The following TMEM143 variants were observed in gnomAD, a reference collection of about 807,000 sequenced individuals.
TMEM143 encodes transmembrane protein 143.
In TMEM143, 45 loss-of-function variants were observed where a neutral mutation model predicts 40.3. The observed-to-expected ratio is 1.12, with a 90% CI of 0.88 to 1.43. TMEM143 has a LOEUF of 1.43. TMEM143 is among the 40% of genes most tolerant of loss of function. The pLI is 0.00. For synonymous variants in TMEM143, 299 were observed against 282.7 expected (o/e 1.06, Z -0.58); for missense variants, 620 against 613.4 (o/e 1.01, Z -0.11).
chr19:48,354,537 T>C (rs556964139), intron 3 of TMEM143, among the ~76,000 whole-genome samples: 1 of 152,268 alleles, frequency 6.6e-6, no homozygotes, highest in East Asian at 1.9e-4. Flanking sequence ...AGTGCTGGAA[T>C]AACAAGCGTG....
chr19:48,353,160 C>G (rs1031100398), intron 3 of TMEM143, among the ~76,000 whole-genome samples: 5 of 150,274 alleles, frequency 3.3e-5, no homozygotes, highest in African/African-American at 1.2e-4. Flanking sequence ...CCACTTACAT[C>G]TGAATTTCAG....
chr19:48,333,987 G>A lies in TMEM143; in HGVS notation c.1165+21C>T. ...GCGGGGGTGTGGCCCCTGGGGGCAG[G>A]GTCCCAGGGCCACGTCCTACCTTCG... On this transcript the variant is annotated intron_variant, in intron 7 of 7. Transcript: ENST00000293261. This position sits in a 1 kb window ranked among gnomAD's most constrained non-coding sequence, Gnocchi z 4.1. The A allele has an allele frequency of 1.3e-6, 2 of 1,513,614 alleles. No homozygotes were observed. The highest frequency in any genetic ancestry group is 1.2e-5 in the South Asian group (1 of 82,676). 93.8% of individuals were successfully genotyped at this position (1,513,614 alleles called of 1,614,324 possible).
chr19:48,354,508 G>A (rs1043736139), intron 3 of TMEM143, among the ~76,000 whole-genome samples: 10 of 151,860 alleles, frequency 6.6e-5, no homozygotes, highest in African/African-American at 2.2e-4. Context: ...TAAGTGATCC[G>A]CCCACCTCGG....
intron 3 of TMEM143, among the ~76,000 whole-genome samples, chr19:48,353,696 G>A (rs1969823187): frequency 6.6e-6 from 1 of 151,770 alleles, no homozygotes; most frequent in Non-Finnish European, 1.5e-5. Context: ...GGTCTTTGCA[G>A]GTAGAATTAA....
chr19:48,343,506 G>A, intron 4 of TMEM143, 55 bp from the exon 5 acceptor site: 1 of 1,521,476 alleles, frequency 6.6e-7, no homozygotes, highest in Non-Finnish European at 8.9e-7. Flanking sequence ...GAGTGTTGAG[G>A]GCAGGATACC....
intron 2 of TMEM143, among the ~76,000 whole-genome samples, chr19:48,361,918 T>C (rs1479603588): frequency 2.0e-5 from 3 of 152,230 alleles, no homozygotes; most frequent in Non-Finnish European, 4.4e-5. Flanking sequence ...AACAGAGGAT[T>C]ACACGCTCTT....
Position 48,333,928 on chromosome 19 carries a change from G to A in TMEM143, c.1165+80C>T. The A allele has an allele frequency of 7.2e-7, 1 of 1,398,226 alleles. No homozygotes were observed. The highest frequency in any genetic ancestry group is 1.4e-5 in the South Asian group (1 of 70,234). The allele number at this position is 1,398,226 out of a possible 1,614,324, so 86.6% of individuals were successfully genotyped here. ...CCGTCAGGTTCACCCGTGGGAACTG[G>A]GGGTGGGGACGCATCTCGCTGGGGC... On this transcript the variant is annotated intron_variant, in intron 7 of 7. Transcript: ENST00000293261. This position sits in a 1 kb window ranked among gnomAD's most constrained non-coding sequence, Gnocchi z 4.1.
chr19:48,346,490 T>C (rs1441391419), intron 3 of TMEM143, among the ~76,000 whole-genome samples: 2 of 152,192 alleles, frequency 1.3e-5, no homozygotes, highest in Non-Finnish European at 2.9e-5. Flanking sequence ...CCTTTGCTGC[T>C]ATCTTCTCAC....
chr19:48,339,321 C>A (rs780610950), intron 6 of TMEM143, among the ~76,000 whole-genome samples: 12 of 152,116 alleles, frequency 7.9e-5, no homozygotes, highest in Non-Finnish European at 1.8e-4. Context: ...AGGGCCCCAG[C>A]CGGGAGGCTG....
chr19:48,358,381 C>T (rs1218470433), intron 3 of TMEM143, among the ~76,000 whole-genome samples: 1 of 148,324 alleles, frequency 6.7e-6, no homozygotes, highest in Non-Finnish European at 1.5e-5. Context: ...GAGACTCTGT[C>T]TCAGAAAAAA....
intron 5 of TMEM143, 175 bp downstream of exon 5, chr19:48,343,146 T>C: frequency 3.6e-6 from 3 of 827,038 alleles, no homozygotes; most frequent in Non-Finnish European, 5.5e-6. Flanking sequence ...GGGAATCAAG[T>C]GTAGTACTCA....
At chr19:48,352,262 A>AAAAAAAAAAAAAAAAAC (rs74518287) in intron 3 of TMEM143, among the ~76,000 whole-genome samples, 1 of 145,060 alleles carries the variant, frequency 6.9e-6, no homozygotes, top group South Asian at 2.2e-4. Context: ...AAAAAAAAAA[A>AAAAAAAAAAAAAAAAAC]CACCATATCT....
chr19:48,356,534 G>A (rs533869483), intron 3 of TMEM143, among the ~76,000 whole-genome samples: 22 of 149,424 alleles, frequency 1.5e-4, no homozygotes, highest in South Asian at 2.1e-4. Flanking sequence ...GGGTTCAAGC[G>A]ATCTCCTGCC....
In TMEM143 at chr19:48,332,370, A is replaced by G. The variant is rs758929260; in HGVS notation, c.*849T>C. On this transcript the variant is annotated 3_prime_UTR_variant, in exon 8 of 8. Coordinates refer to ENST00000293261, the MANE Select transcript of TMEM143 (RefSeq NM_018273.4). ...GTAGCCTCATCCAGACTTATTAAAC[A>G]TGATTTATTACTTTGGGACAGGAGA... is the stretch of plus-strand genomic sequence containing the variant. 6.6e-6 allele frequency: 1 copy of G among 152,224 alleles called. No individual in the cohort carries two copies. Among genetic ancestry groups the G allele is most frequent in the East Asian group, 1.9e-4 (1 of 5,196 alleles). 9.4% of individuals were successfully genotyped at this position (152,224 alleles called of 1,614,324 possible).
At chr19:48,348,294 T>A (rs192548955) in intron 3 of TMEM143, among the ~76,000 whole-genome samples, 57 of 152,226 alleles carry the variant, frequency 3.7e-4, no homozygotes, top group African/African-American at 1.3e-3. Context: ...AACCTGGACA[T>A]TGCACGTGAT....
At chr19:48,351,392 C>A (rs1424850637) in intron 3 of TMEM143, among the ~76,000 whole-genome samples, 2 of 152,202 alleles carry the variant, frequency 1.3e-5, no homozygotes, top group Non-Finnish European at 2.9e-5. Flanking sequence ...TCCTCCCTGG[C>A]CTGGGAGCTG....
chr19:48,346,888 A>G (rs570012111), intron 3 of TMEM143, among the ~76,000 whole-genome samples: 1 of 152,212 alleles, frequency 6.6e-6, no homozygotes, highest in African/African-American at 2.4e-5. Context: ...TACTCTTGCT[A>G]CTTTTCAACC....
At chr19:48,354,148 G>A (rs191727679) in intron 3 of TMEM143, among the ~76,000 whole-genome samples, 7 of 151,392 alleles carry the variant, frequency 4.6e-5, no homozygotes, top group Non-Finnish European at 1.0e-4. Flanking sequence ...TAGTAGAGTC[G>A]GGGTTTCACC....
At chr19:48,349,828 C>T (rs776879703) in intron 3 of TMEM143, among the ~76,000 whole-genome samples, 1 of 152,080 alleles carries the variant, frequency 6.6e-6, no homozygotes, top group Non-Finnish European at 1.5e-5. Flanking sequence ...GCACCATCCA[C>T]TAGAACTCCC....
Sources: gnomAD v4.1 joint callset for allele counts (sites outside exome capture counted in the v4.1 genomes callset) on GRCh38, gnomAD v4.1.1 for gene constraint, Gnocchi (gnomAD v3.1) non-coding constraint, MANE v1.5 for transcripts, NCBI Gene and HGNC (gene_info 2026-07-23, HGNC 2026-07-21) for gene names.